Variants in EYS observed in about 807,000 individuals in gnomAD.
EYS encodes protein eyes shut homolog.
A neutral mutation model predicts 282.1 loss-of-function variants in EYS; 250 were observed. The observed-to-expected ratio is 0.89, with a 90% CI of 0.80 to 0.98. The LOEUF (loss-of-function observed/expected upper bound fraction) is 0.98, where lower values mean the gene tolerates loss of function less well. Ranked by LOEUF, EYS falls within the 50% of genes least tolerant of loss-of-function variation. The pLI is 0.00. For missense variants in EYS, 4,016 were observed against 3,709.0 expected, an observed-to-expected ratio of 1.08 and a Z score of -2.15; for synonymous variants, 1,355 against 1,282.9, an observed-to-expected ratio of 1.06 and a Z score of -1.20.
intron 24 of EYS, among the ~76,000 whole-genome samples, chr6:64,607,154 C>T (rs540309523): frequency 2.6e-4 from 39 of 151,872 alleles, no homozygotes; most frequent in African/African-American, 3.9e-4. Context: ...TCATAAAAAA[C>T]GCAATAGATG....
At chr6:65,091,161 C>T (rs1165524569) in intron 12 of EYS, among the ~76,000 whole-genome samples, 5 of 150,430 alleles carry the variant, frequency 3.3e-5, no homozygotes, top group East Asian at 2.0e-4. Flanking sequence ...CTGCCAGGCA[C>T]GGTGGCTTAA....
chr6:65,461,387 C>T (rs1361466768), intron 5 of EYS, among the ~76,000 whole-genome samples: 1 of 152,086 alleles, frequency 6.6e-6, no homozygotes, highest in Non-Finnish European at 1.5e-5. Context: ...ATAGATGACA[C>T]CAAGCGACTG....
At chr6:65,008,537 T>C (rs1339417669) in intron 13 of EYS, among the ~76,000 whole-genome samples, 1 of 152,130 alleles carries the variant, frequency 6.6e-6, no homozygotes, top group African/African-American at 2.4e-5. Flanking sequence ...AGGGAAAAGC[T>C]GGGAAAATTG....
intron 29 of EYS, among the ~76,000 whole-genome samples, chr6:64,369,479 A>C (rs1772281518): frequency 6.6e-6 from 1 of 152,268 alleles, no homozygotes; most frequent in African/African-American, 2.4e-5. Context: ...AATAGCATTT[A>C]ATCTGTGAAT....
chr6:64,908,510 C>G (rs1767898876), intron 16 of EYS, among the ~76,000 whole-genome samples: 1 of 151,932 alleles, frequency 6.6e-6, no homozygotes, highest in African/African-American at 2.4e-5. Context: ...TACCCACACT[C>G]AGTGGGTCCC....
intron 12 of EYS, among the ~76,000 whole-genome samples, chr6:65,134,907 T>G (rs1370342483): frequency 6.6e-6 from 1 of 152,082 alleles, no homozygotes; most frequent in Non-Finnish European, 1.5e-5. Flanking sequence ...CTCTTGCAAC[T>G]GTCCAGACCT....
intron 15 of EYS, among the ~76,000 whole-genome samples, chr6:64,942,009 A>G (rs537974758): frequency 6.6e-6 from 1 of 152,082 alleles, no homozygotes; most frequent in Non-Finnish European, 1.5e-5. Context: ...TGGTAGTTCT[A>G]TGTTAAGTTT....
chr6:64,499,843 T>G (rs111894384), intron 26 of EYS, among the ~76,000 whole-genome samples: 32 of 152,280 alleles, frequency 2.1e-4, no homozygotes, highest in African/African-American at 7.2e-4. Flanking sequence ...GTGCTATTTC[T>G]TATAGTTTGA....
At chr6:65,514,170 G>A (rs1361715574) in intron 2 of EYS, among the ~76,000 whole-genome samples, 2 of 151,924 alleles carry the variant, frequency 1.3e-5, no homozygotes, top group Non-Finnish European at 2.9e-5. Flanking sequence ...GCCAAATCAT[G>A]AGTGAACTCC....
intron 22 of EYS, among the ~76,000 whole-genome samples, chr6:64,642,005 A>T (rs1388546258): frequency 6.6e-6 from 1 of 152,196 alleles, no homozygotes; most frequent in African/African-American, 2.4e-5. Context: ...TGGTGTAAGG[A>T]TGAGATAGCT....
At chr6:65,047,769 C>T (rs578037017) in intron 13 of EYS, among the ~76,000 whole-genome samples, 3 of 151,946 alleles carry the variant, frequency 2.0e-5, no homozygotes, top group African/African-American at 7.2e-5. Context: ...TTACAAAGTG[C>T]GGCAGAGCAT....
intron 28 of EYS, among the ~76,000 whole-genome samples, chr6:64,413,576 C>T (rs1773975014): frequency 7.5e-6 from 1 of 133,280 alleles, no homozygotes; most frequent in Non-Finnish European, 1.7e-5. Flanking sequence ...CAAAAAAAAA[C>T]CTCCCCTCCC....
rs1479843718 is a variant in EYS, at chr6:64,912,522, G to A, written c.2603C>T (p.Ala868Val). 3 of 1,551,090 alleles carry A rather than the reference G, an allele frequency of 1.9e-6. No homozygotes were observed. Among genetic ancestry groups the A allele is most frequent in the Non-Finnish European group, 2.6e-6 (3 of 1,146,638 alleles). ...ACAATGCTGATTTGCGTCTACCAAA[G>A]CTAAGCATGTTGAGTTGTTTCTGCA... is the stretch of plus-strand genomic sequence containing the variant. ...NPCRNNSTCLALVDANQHCIC... is the reference protein window; with the variant it reads ...NPCRNNSTCLVLVDANQHCIC... Residue 868 changes from alanine to valine, a missense_variant, in exon 16 of 43, where the codon GCT becomes GTT. Ala to Val is a moderately conservative substitution (Grantham distance 64, BLOSUM62 0). Transcript: ENST00000503581.
At chr6:64,644,576 G>A (rs971514879) in intron 22 of EYS, among the ~76,000 whole-genome samples, 1 of 151,988 alleles carries the variant, frequency 6.6e-6, no homozygotes, top group East Asian at 1.9e-4. Flanking sequence ...AATACATTCT[G>A]GAGATTTATA....
intron 37 of EYS, among the ~76,000 whole-genome samples, chr6:63,798,779 G>A: frequency 6.6e-6 from 1 of 151,700 alleles, no homozygotes; most frequent in Admixed American, 6.6e-5. Flanking sequence ...TTATAACTAA[G>A]GGCTTGAAGC....
At chr6:64,095,862 C>T (rs150523621) in intron 31 of EYS, among the ~76,000 whole-genome samples, 10,502 of 152,220 alleles carry the variant, frequency 0.069, 962 homozygotes, top group African/African-American at 0.21. Flanking sequence ...ATGGTCTTTA[C>T]AATTTGGCAT....
At chr6:64,810,249 T>C (rs1474676979) in intron 22 of EYS, among the ~76,000 whole-genome samples, 1 of 152,116 alleles carries the variant, frequency 6.6e-6, no homozygotes, top group Non-Finnish European at 1.5e-5. Flanking sequence ...TTATAAGTTC[T>C]CTATATGTCA....
intron 36 of EYS, among the ~76,000 whole-genome samples, chr6:63,836,507 A>G (rs1039901857): frequency 5.9e-5 from 9 of 152,186 alleles, no homozygotes; most frequent in Admixed American, 6.6e-5. Context: ...AACAGAAGGA[A>G]AAAAGTGAGC....
chr6:63,897,741 C>A (rs771790776), intron 35 of EYS, among the ~76,000 whole-genome samples: 31 of 152,162 alleles, frequency 2.0e-4, no homozygotes, highest in Non-Finnish European at 3.1e-4. Context: ...CCATCTGGTT[C>A]AGGTAAAAAG....
Sources: allele counts gnomAD v4.1 joint callset (sites outside exome capture counted in the v4.1 genomes callset), GRCh38; gene constraint gnomAD v4.1.1; transcripts MANE v1.5; gene names NCBI Gene and HGNC (gene_info 2026-07-23, HGNC 2026-07-21).